The following SACS variants were observed in gnomAD, a reference collection of about 807,000 sequenced individuals.
SACS encodes the protein sacsin.
In SACS, 197 loss-of-function variants were observed where a neutral mutation model predicts 348.0. The observed-to-expected ratio is 0.57, with a 90% CI of 0.50 to 0.64. The LOEUF (loss-of-function observed/expected upper bound fraction) is 0.64, where lower values mean the gene tolerates loss of function less well. SACS is among the 30% of genes least tolerant of loss of function. The pLI, the probability that SACS is intolerant of heterozygous loss-of-function variation, is 0.00. For missense variants in SACS, 4,999 were observed against 5,360.8 expected (o/e 0.93, Z 2.11); for synonymous variants, 1,985 against 1,910.6 (o/e 1.04, Z -1.02).
At chr13:23,368,917 T>C (rs898975444) in intron 4 of SACS, among the ~76,000 whole-genome samples, 5 of 152,090 alleles carry the variant, frequency 3.3e-5, no homozygotes, top group Non-Finnish European at 7.4e-5. Context: ...GCCAGGATGG[T>C]CTTGATCTCC....
Position 23,336,432 on chromosome 13 carries a change from T to C in SACS, c.7444A>G (p.Lys2482Glu). The change falls in exon 10 of 10, where the codon AAA (lysine) becomes GAA (glutamate). Residue 2482 changes from lysine (K) to glutamate (E), a missense_variant. Transcript: ENST00000382292. ...CTGGGTATGTCAGCATGACAATATTTTACAGTGGTATCCTTTACTTTTATC... is the reference window on the plus strand; with the variant it reads ...CTGGGTATGTCAGCATGACAATATTCTACAGTGGTATCCTTTACTTTTATC... ...PWIKVKDTTV[K>E]YCHADIPREV... 1 of 1,614,116 alleles carries C rather than the reference T, an allele frequency of 6.2e-7. No individual in the cohort carries two copies. The highest frequency in any genetic ancestry group is 8.5e-7 in the Non-Finnish European group (1 of 1,179,956).
intron 1 of SACS, among the ~76,000 whole-genome samples, chr13:23,425,799 C>T (rs1874145727): frequency 6.6e-6 from 1 of 152,144 alleles, no homozygotes; most frequent in Non-Finnish European, 1.5e-5. Flanking sequence ...TGACTCCCTG[C>T]GGGAGTGGGC....
At chr13:23,375,481 C>A (rs896697252) in intron 2 of SACS, 35 of 1,154,704 alleles carry the variant, frequency 3.0e-5, no homozygotes, top group Non-Finnish European at 3.5e-5. Context: ...TGGCGCAGTC[C>A]CGTACGCAGC....
chr13:23,360,538 C>T (rs1870665022), intron 6 of SACS, among the ~76,000 whole-genome samples: 1 of 152,126 alleles, frequency 6.6e-6, no homozygotes, highest in South Asian at 2.1e-4. Context: ...ACGCACATGA[C>T]ATTACCAGGA....
chr13:23,401,839 A>G (rs978732501), intron 2 of SACS, among the ~76,000 whole-genome samples: 1 of 152,058 alleles, frequency 6.6e-6, no homozygotes, highest in African/African-American at 2.4e-5. Context: ...CTGGGAACAG[A>G]CTCCTGATGG....
At chr13:23,377,997 A>G (rs1871883978) in intron 2 of SACS, among the ~76,000 whole-genome samples, 1 of 152,252 alleles carries the variant, frequency 6.6e-6, no homozygotes, top group Non-Finnish European at 1.5e-5. Flanking sequence ...GCTCAGGTAG[A>G]CACAATTGCT....
intron 2 of SACS, among the ~76,000 whole-genome samples, chr13:23,376,342 C>G (rs1871802433): frequency 6.6e-6 from 1 of 151,720 alleles, no homozygotes; most frequent in Admixed American, 6.6e-5. Context: ...GAACCTCAGG[C>G]TGTTCCTTTG....
At chr13:23,399,223 C>T (rs977775389) in intron 2 of SACS, among the ~76,000 whole-genome samples, 2 of 152,080 alleles carry the variant, frequency 1.3e-5, no homozygotes, top group Non-Finnish European at 2.9e-5. Context: ...TCCCAAACTC[C>T]TCCCTGTCAG....
At chr13:23,368,926 C>G (rs1321797081) in intron 4 of SACS, among the ~76,000 whole-genome samples, 2 of 152,126 alleles carry the variant, frequency 1.3e-5, no homozygotes, top group African/African-American at 2.4e-5. Flanking sequence ...GTCTTGATCT[C>G]CTGACCTCGT....
At chr13:23,359,956 T>C (rs1870627016) in intron 6 of SACS, among the ~76,000 whole-genome samples, 1 of 152,172 alleles carries the variant, frequency 6.6e-6, no homozygotes, top group African/African-American at 2.4e-5. Context: ...AGTTGGAAAG[T>C]GCAAACAGTC....
chr13:23,396,728 CAT>C (rs1346741788), intron 2 of SACS, among the ~76,000 whole-genome samples: 44 of 152,192 alleles, frequency 2.9e-4, no homozygotes, highest in Admixed American at 1.0e-3. Context: ...ACATGCCTAA[CAT>C]GTGTATGTTA....
In SACS at chr13:23,330,981, T is replaced by C; in HGVS notation, c.12895A>G (p.Lys4299Glu). The C allele has an allele frequency of 6.2e-7, 1 of 1,614,124 alleles. No individual in the cohort carries two copies. The highest frequency in any genetic ancestry group is 1.3e-5 in the African/African-American group (1 of 75,034). Residue 4299 changes from lysine to glutamate, a missense_variant, in exon 10 of 10, where the codon AAG becomes GAG. Coordinates refer to ENST00000382292, the MANE Select transcript of SACS (RefSeq NM_014363.6). ...SSKHQSPKKLKVNSLPEILKE... is the reference protein window; with the variant it reads ...SSKHQSPKKLEVNSLPEILKE... ...AAGATTTCTGGTAAAGAATTAACCT[T>C]AAGCTTTTTGGGGGACTGATGTTTG... is the stretch of plus-strand genomic sequence containing the variant.
chr13:23,424,685 A>G (rs930612537), intron 1 of SACS, among the ~76,000 whole-genome samples: 5 of 152,178 alleles, frequency 3.3e-5, no homozygotes, highest in Non-Finnish European at 5.9e-5. Context: ...TTCCAAACAC[A>G]TGTTTTGTAG....
At chr13:23,350,015 C>G (rs892854913) in intron 9 of SACS, among the ~76,000 whole-genome samples, 1 of 152,102 alleles carries the variant, frequency 6.6e-6, no homozygotes, top group Non-Finnish European at 1.5e-5. Context: ...CACACTAACA[C>G]GTATTTAGGG....
Position 23,337,027 on chromosome 13 carries a change from T to C in SACS, c.6849A>G (p.Gly2283=), listed in dbSNP as rs755452979. ...GATCAACTGTTGGCTTCTTGAGTAA[T>C]CCCAAAAACTCTTTAACAGCCAATG... ...SVSLAVKEFL[G]LLKKPTVDLV... The change falls in exon 10 of 10, where the codon GGA becomes GGG. Residue 2283 remains glycine, a synonymous_variant. Coordinates refer to ENST00000382292, the MANE Select transcript of SACS (RefSeq NM_014363.6). 6.2e-7 allele frequency: 1 copy of C among 1,613,844 alleles called. No homozygotes were observed. Among genetic ancestry groups the C allele is most frequent in the Non-Finnish European group, 8.5e-7 (1 of 1,179,900 alleles).
Position 23,339,220 on chromosome 13 carries a change from T to C in SACS, c.4656A>G (p.Lys1552=). The C allele has an allele frequency of 1.2e-6, 2 of 1,611,042 alleles. No homozygotes were observed. Among genetic ancestry groups the C allele is most frequent in the Non-Finnish European group, 1.7e-6 (2 of 1,178,726 alleles). ...GESLKRGEVD[K]VGKFGLGFNS... ...TAAATCCAAGACCAAATTTTCCAAC[T>C]TTGTCAACTTCTCCCCTTTTTAAAG... The change falls in exon 10 of 10, where the codon AAA becomes AAG. Residue 1552 remains lysine (K), a synonymous_variant. Transcript: ENST00000382292.
In SACS at chr13:23,332,138, T is replaced by A. The variant is rs1236705431; in HGVS notation, c.11738A>T (p.Asp3913Val). 2 of 1,613,930 alleles carry A rather than the reference T, an allele frequency of 1.2e-6. No homozygotes were observed. Among genetic ancestry groups the A allele is most frequent in the Admixed American group, 1.7e-5 (1 of 59,986 alleles). ...RDLALYLPSQDGRLVKSSILV... is the reference protein window; with the variant it reads ...RDLALYLPSQVGRLVKSSILV... ...GATGCTTGACTTTACCAATCTACCATCCTGGCTTGGGAGGTAAAGCGCAAG... is the reference window on the plus strand; with the variant it reads ...GATGCTTGACTTTACCAATCTACCAACCTGGCTTGGGAGGTAAAGCGCAAG... Residue 3913 changes from aspartate to valine, a missense_variant, in exon 10 of 10, where the codon GAT becomes GTT. Around this residue, in one of 6 missense-constraint regions of SACS, gnomAD observed 831 missense variants for 941.8 expected, o/e 0.88. Coordinates refer to ENST00000382292, the MANE Select transcript of SACS (RefSeq NM_014363.6).
intron 2 of SACS, among the ~76,000 whole-genome samples, chr13:23,403,633 T>C (rs971461231): frequency 6.6e-6 from 1 of 152,188 alleles, no homozygotes; most frequent in Admixed American, 6.5e-5. Flanking sequence ...TATTTGATTC[T>C]TCTCTCCTTT....
Position 23,334,268 on chromosome 13 carries a change from C to T in SACS, c.9608G>A (p.Cys3203Tyr). Reference protein sequence around the residue: ...YLKYSNILLNCKVAKVFDISS... With the variant: ...YLKYSNILLNYKVAKVFDISS... ...AATGTCAAACACTTTTGCAACTTTACAGTTCAATAAAATATTACTATATTT... is the reference window on the plus strand; with the variant it reads ...AATGTCAAACACTTTTGCAACTTTATAGTTCAATAAAATATTACTATATTT... The change falls in exon 10 of 10, where the codon TGT becomes TAT. Residue 3203 changes from cysteine to tyrosine, a missense_variant. Cys to Tyr is a radical substitution (Grantham distance 194, BLOSUM62 -2). Transcript: ENST00000382292. The T allele has an allele frequency of 6.2e-7, 1 of 1,609,450 alleles. No individual in the cohort carries two copies. The highest frequency in any genetic ancestry group is 8.5e-7 in the Non-Finnish European group (1 of 1,177,498).
Sources: gnomAD v4.1 joint callset for allele counts (sites outside exome capture counted in the v4.1 genomes callset) on GRCh38, gnomAD v4.1.1 for gene constraint, gnomAD v4.1.1 regional missense constraint, MANE v1.5 for transcripts, NCBI Gene and HGNC (gene_info 2026-07-23, HGNC 2026-07-21) for gene names.